FHIT: variants seen among roughly 807,000 people sequenced by gnomAD.
FHIT encodes the protein fragile histidine triad diadenosine triphosphatase, also known as bis(5'-adenosyl)-triphosphatase.
In FHIT, 19 loss-of-function variants were observed where a neutral mutation model predicts 17.9. That is an observed-to-expected ratio of 1.06 (90% CI 0.74 to 1.56). The LOEUF is 1.56. Among genes scored for constraint, FHIT ranks in the 40% most tolerant of loss-of-function variants. FHIT has a pLI of 0.00. For missense variants in FHIT, 248 were observed against 189.2 expected (o/e 1.31, Z -1.82); for synonymous variants, 81 against 69.7 (o/e 1.16, Z -0.81).
At chr3:60,633,722 G>A (rs966795088) in intron 4 of FHIT, among the ~76,000 whole-genome samples, 6 of 152,140 alleles carry the variant, frequency 3.9e-5, no homozygotes, top group Admixed American at 2.6e-4. Flanking sequence ...CAAACCTTCA[G>A]CCTCCCCAGG....
At chr3:61,102,342 T>C (rs562581109) in intron 2 of FHIT, among the ~76,000 whole-genome samples, 1 of 152,352 alleles carries the variant, frequency 6.6e-6, no homozygotes, top group South Asian at 2.1e-4. Flanking sequence ...GTTCTGTTTA[T>C]GTGATGGATT....
At chr3:60,573,546 C>G (rs1421452703) in intron 4 of FHIT, among the ~76,000 whole-genome samples, 1 of 152,110 alleles carries the variant, frequency 6.6e-6, no homozygotes, top group Non-Finnish European at 1.5e-5. Context: ...AGTAACAAAC[C>G]GTACATGTCC....
At chr3:59,904,240 G>C (rs1203956160) in intron 8 of FHIT, among the ~76,000 whole-genome samples, 1 of 122,148 alleles carries the variant, frequency 8.2e-6, no homozygotes, top group Non-Finnish European at 1.8e-5. Flanking sequence ...AAAAAAAAAA[G>C]GGAAATTTAC....
chr3:60,394,089 G>C (rs1036362331), intron 5 of FHIT, among the ~76,000 whole-genome samples: 3 of 152,092 alleles, frequency 2.0e-5, no homozygotes, highest in African/African-American at 4.8e-5. Flanking sequence ...CAGGGGTGAG[G>C]GTCAGGGTAT....
At chr3:61,067,273 C>T (rs1224688039) in intron 2 of FHIT, among the ~76,000 whole-genome samples, 2 of 152,160 alleles carry the variant, frequency 1.3e-5, no homozygotes, top group African/African-American at 4.8e-5. Context: ...CACTAAAAGA[C>T]TCCCAGAACC....
Position 60,206,162 on chromosome 3 carries a change from A to T in FHIT, c.104-192010T>A, listed in dbSNP as rs185151147. Among the ~76,000 whole-genome samples the T allele has an allele frequency of 6.5e-3, 785 of 121,660 alleles. 18 individuals are homozygous for T. The highest frequency in any genetic ancestry group is 0.023 in the African/African-American group (703 of 30,302). 79.8% of individuals were successfully genotyped at this position (121,660 alleles called of 152,430 possible). On this transcript the variant is annotated intron_variant, in intron 5 of 9. Transcript: ENST00000492590. Reference sequence around the variant, plus strand: ...AAAAAAAAAAATAAATAATAATAATAATAATAATAATTATAACACTTAAAA... The same window carrying T: ...AAAAAAAAAAATAAATAATAATAATTATAATAATAATTATAACACTTAAAA...
intron 2 of FHIT, among the ~76,000 whole-genome samples, chr3:61,193,288 C>T (rs1417130621): frequency 2.0e-5 from 3 of 152,100 alleles, no homozygotes; most frequent in East Asian, 1.9e-4. Flanking sequence ...AAGTAGTGGA[C>T]GCTGGCACCC....
At chr3:60,240,827 G>T (rs1022652112) in intron 5 of FHIT, among the ~76,000 whole-genome samples, 3 of 152,076 alleles carry the variant, frequency 2.0e-5, no homozygotes, top group Non-Finnish European at 4.4e-5. Flanking sequence ...GCAACCCTCA[G>T]ATCCAAGAGC....
intron 4 of FHIT, chr3:60,596,243 C>T (rs1223580854): frequency 1.3e-5 from 2 of 158,746 alleles, no homozygotes; most frequent in African/African-American, 2.4e-5. Context: ...TTGGCTTCTT[C>T]CCTAGGCCAT....
intron 2 of FHIT, among the ~76,000 whole-genome samples, chr3:61,176,252 T>C (rs893491200): frequency 2.6e-5 from 4 of 152,214 alleles, no homozygotes; most frequent in Non-Finnish European, 5.9e-5. Flanking sequence ...TCAAATAACA[T>C]ATCAGCAATT....
chr3:61,187,112 T>C (rs1415112218), intron 2 of FHIT, among the ~76,000 whole-genome samples: 1 of 152,204 alleles, frequency 6.6e-6, no homozygotes, highest in Non-Finnish European at 1.5e-5. Context: ...TCAATAGTAT[T>C]GAATGCATCA....
intron 4 of FHIT, among the ~76,000 whole-genome samples, chr3:60,685,754 T>C (rs2040848161): frequency 6.6e-6 from 1 of 152,174 alleles, no homozygotes; most frequent in Admixed American, 6.5e-5. Flanking sequence ...TATGAATCTA[T>C]TTACAAACTC....
At chr3:60,143,058 C>G (rs774184318) in intron 5 of FHIT, among the ~76,000 whole-genome samples, 1 of 152,058 alleles carries the variant, frequency 6.6e-6, no homozygotes, top group African/African-American at 2.4e-5. Flanking sequence ...ACTGGGTCTG[C>G]GGCACAATTT....
intron 3 of FHIT, among the ~76,000 whole-genome samples, chr3:60,943,678 T>C (rs1248118714): frequency 6.6e-6 from 1 of 152,200 alleles, no homozygotes; most frequent in Non-Finnish European, 1.5e-5. Flanking sequence ...TCAGTAATTA[T>C]GGCCTCTCAC....
At chr3:60,221,888 T>C (rs1278031423) in intron 5 of FHIT, among the ~76,000 whole-genome samples, 1 of 151,910 alleles carries the variant, frequency 6.6e-6, no homozygotes. Context: ...TTAGGCCTAG[T>C]AGAGTGAAAT....
intron 3 of FHIT, among the ~76,000 whole-genome samples, chr3:60,877,703 G>A (rs1553756830): frequency 6.6e-6 from 1 of 152,024 alleles, no homozygotes; most frequent in Non-Finnish European, 1.5e-5. Context: ...AGTATCTTGT[G>A]TCCCAAGGAA....
intron 5 of FHIT, among the ~76,000 whole-genome samples, chr3:60,098,128 G>A (rs74855281): frequency 0.62 from 83,592 of 134,660 alleles, 26,849 homozygotes; most frequent in East Asian, 0.97. Flanking sequence ...TTGGACATTT[G>A]GGTTGGTTCC....
intron 8 of FHIT, among the ~76,000 whole-genome samples, chr3:59,792,825 C>T (rs80219854): frequency 6.7e-6 from 1 of 150,316 alleles, no homozygotes; most frequent in Non-Finnish European, 1.5e-5. Context: ...GTTCACCCAA[C>T]CATCATATCA....
chr3:60,211,364 CAG>C (rs989544323), intron 5 of FHIT, among the ~76,000 whole-genome samples: 47 of 151,858 alleles, frequency 3.1e-4, no homozygotes, highest in African/African-American at 1.0e-3. Context: ...GAGGAAGAAA[CAG>C]AGTATAAGGG....
Sources: allele counts gnomAD v4.1 joint callset (sites outside exome capture counted in the v4.1 genomes callset), GRCh38; gene constraint gnomAD v4.1.1; transcripts MANE v1.5; gene names NCBI Gene and HGNC (gene_info 2026-07-23, HGNC 2026-07-21).